The following NOTCH1 variants were observed in gnomAD, a reference collection of about 807,000 sequenced individuals.
The protein encoded by NOTCH1 is notch receptor 1.
In NOTCH1, 37 loss-of-function variants were observed where a neutral mutation model predicts 254.8. The observed-to-expected ratio is 0.15, with a 90% CI of 0.11 to 0.19. The LOEUF (loss-of-function observed/expected upper bound fraction) is 0.19, where lower values mean the gene tolerates loss of function less well. Among genes scored for constraint, NOTCH1 ranks in the 10% least tolerant of loss-of-function variants. NOTCH1 has a pLI of 1.00. For missense variants in NOTCH1, 2,972 were observed against 3,708.6 expected, an observed-to-expected ratio of 0.80 and a Z score of 5.16; for synonymous variants, 1,731 against 1,618.1, an observed-to-expected ratio of 1.07 and a Z score of -1.68.
intron 17 of NOTCH1, among the ~76,000 whole-genome samples, chr9:136,510,217 T>A (rs1448576129): frequency 1.3e-5 from 2 of 152,190 alleles, no homozygotes; most frequent in Non-Finnish European, 2.9e-5. Context: ...CTTTGCAGGC[T>A]TCACAGACCG....
rs750242131 is a variant in NOTCH1, at chr9:136,523,138, C to T, written c.454G>A (p.Gly152Ser). ...DPCASNPCAN[G>S]GQCLPFEASY... ...GCCTCGAAGGGCAGGCACTGGCCAC[C>T]GTTGGCGCAGGGGTTGGAGGCGCAC... Residue 152 changes from glycine (G) to serine (S), a missense_variant, in exon 4 of 34, where the codon GGT becomes AGT. By Grantham distance (56) the Gly-to-Ser change is moderately conservative. Around this residue, in one of 8 missense-constraint regions of NOTCH1, gnomAD observed 374 missense variants for 496.3 expected, o/e 0.75. Coordinates refer to ENST00000651671, the MANE Select transcript of NOTCH1 (RefSeq NM_017617.5). 8.6e-5 allele frequency: 138 copies of T among 1,605,648 alleles called. No individual in the cohort carries two copies. The highest frequency in any genetic ancestry group is 4.5e-4 in the African/African-American group (34 of 74,834).
intron 2 of NOTCH1, among the ~76,000 whole-genome samples, chr9:136,529,444 G>T (rs967077876): frequency 2.0e-5 from 3 of 152,222 alleles, no homozygotes; most frequent in African/African-American, 7.2e-5. Flanking sequence ...AGGAGGCACC[G>T]GCTGCTAAGA....
In NOTCH1 at chr9:136,523,073, G is replaced by T. The variant is rs1171326899; in HGVS notation, c.519C>A (p.Pro173=). ...ACTCGTTGACATCCTGCCGGCAGGT[G>T]GGGCCATGGAAGCTGGGTGGGCAGT... is the stretch of plus-strand genomic sequence containing the variant. ...ICHCPPSFHG[P]TCRQDVNECG... The change falls in exon 4 of 34, where the codon CCC becomes CCA. Residue 173 remains proline (P), a synonymous_variant. Coordinates refer to ENST00000651671, the MANE Select transcript of NOTCH1 (RefSeq NM_017617.5). 6.3e-7 allele frequency: 1 copy of T among 1,587,838 alleles called. No individual in the cohort carries two copies. Among genetic ancestry groups the T allele is most frequent in the Admixed American group, 1.8e-5 (1 of 56,378 alleles).
intron 4 of NOTCH1, 76 bp downstream of exon 4, chr9:136,522,774 C>G (rs1001374360): frequency 7.3e-7 from 1 of 1,363,832 alleles, no homozygotes; most frequent in African/African-American, 1.5e-5. Flanking sequence ...GCCCCTACAC[C>G]AGGCGCCCCG....
In NOTCH1 at chr9:136,523,094, G is replaced by A. The variant is rs937331959; in HGVS notation, c.498C>T (p.Cys166=). The part of the protein sequence containing the change: ...LPFEASYICH[C]PPSFHGPTCR... ...AGGTGGGGCCATGGAAGCTGGGTGG[G>A]CAGTGGCAGATGTAGGAGGCCTCGA... is the stretch of plus-strand genomic sequence containing the variant. The change falls in exon 4 of 34, where the codon TGC becomes TGT. Residue 166 remains cysteine, a synonymous_variant. Transcript: ENST00000651671. The A allele has an allele frequency of 1.3e-6, 2 of 1,599,008 alleles. No homozygotes were observed. The highest frequency in any genetic ancestry group is 1.1e-5 in the South Asian group (1 of 88,644).
chr9:136,497,304 G>A lies in NOTCH1; in HGVS notation c.6435C>T (p.Tyr2145=), dbSNP rs770803054. 1 of 1,607,568 alleles carries A rather than the reference G, an allele frequency of 6.2e-7. No homozygotes were observed. Among genetic ancestry groups the A allele is most frequent in the African/African-American group, 1.3e-5 (1 of 74,936 alleles). Residue 2145 remains tyrosine (Y), a synonymous_variant, in exon 34 of 34, where the codon TAC becomes TAT. Transcript: ENST00000651671. ...LSPPLCSPNG[Y]LGSLKPGVQG... is the part of the protein sequence containing the mutation. ...GCACGCCGGGCTTGAGGCTGCCCAGGTAGCCGTTGGGCGAGCAGAGCGGGG... is the reference window on the plus strand; with the variant it reads ...GCACGCCGGGCTTGAGGCTGCCCAGATAGCCGTTGGGCGAGCAGAGCGGGG...
chr9:136,528,636 C>A (rs1200910846), intron 2 of NOTCH1, among the ~76,000 whole-genome samples: 1 of 151,378 alleles, frequency 6.6e-6, no homozygotes, highest in Non-Finnish European at 1.5e-5. Context: ...CCCTGCACAC[C>A]CCGGCTCCCT....
chr9:136,529,405 C>T (rs574528052), intron 2 of NOTCH1, among the ~76,000 whole-genome samples: 1 of 152,344 alleles, frequency 6.6e-6, no homozygotes, highest in African/African-American at 2.4e-5. Flanking sequence ...CCAAGTTTCC[C>T]CAATCCCAGT....
chr9:136,544,464 G>C (rs965072769), intron 1 of NOTCH1, among the ~76,000 whole-genome samples: 1 of 152,186 alleles, frequency 6.6e-6, no homozygotes, highest in Non-Finnish European at 1.5e-5. Flanking sequence ...CCCCACCCTG[G>C]AGGCTCACTG....
At chr9:136,508,798 G>A (rs909889330) in intron 19 of NOTCH1, 72 bp downstream of exon 19, 7 of 1,432,894 alleles carry the variant, frequency 4.9e-6, no homozygotes, top group East Asian at 2.5e-5. Flanking sequence ...TGGGGTGACC[G>A]TTCCCACCTC....
rs769696527 is a variant in NOTCH1, at chr9:136,515,518, T to C, written c.1868A>G (p.Asn623Ser). ...CTTCAGGCAGAAGCAGAGGTAGGCGTTGTCGCGGTCCTGGCAGGTGCCCCC... is the reference window on the plus strand; with the variant it reads ...CTTCAGGCAGAAGCAGAGGTAGGCGCTGTCGCGGTCCTGGCAGGTGCCCCC... ...RHGGTCQDRDNAYLCFCLKGT... is the reference protein window; with the variant it reads ...RHGGTCQDRDSAYLCFCLKGT... The change falls in exon 11 of 34, where the codon AAC becomes AGC. Residue 623 changes from asparagine to serine, a missense_variant. This residue lies in a region of NOTCH1 where 1,343 missense variants were observed against 1,557.0 expected (regional missense o/e 0.86). Transcript: ENST00000651671. The C allele has an allele frequency of 1.7e-5, 27 of 1,611,838 alleles. No individual in the cohort carries two copies. The Middle Eastern group carries it at 6.6e-4, about 39-fold the overall frequency.
At chr9:136,512,294 G>A (rs1484619103) in intron 15 of NOTCH1, among the ~76,000 whole-genome samples, 4 of 152,318 alleles carry the variant, frequency 2.6e-5, no homozygotes, top group South Asian at 4.1e-4. Flanking sequence ...CATGGGAACC[G>A]CAGGCGTGGG....
rs765812485 is a variant in NOTCH1 at position 136,517,739 on chromosome 9, C to G, written c.1441+13G>C. 46 of 1,612,430 alleles carry G rather than the reference C, an allele frequency of 2.9e-5. No homozygotes were observed. The highest frequency in any genetic ancestry group is 3.8e-5 in the Non-Finnish European group (45 of 1,179,870). On this transcript the variant is annotated intron_variant, in intron 8 of 33. Coordinates refer to ENST00000651671, the MANE Select transcript of NOTCH1 (RefSeq NM_017617.5). ...CTCGACTCGGTTTCCCGCCCTGGCC[C>G]CGGCCGACGCACCGGGCATGCAGAT...
intron 2 of NOTCH1, among the ~76,000 whole-genome samples, chr9:136,539,307 C>T (rs1000924172): frequency 1.3e-5 from 2 of 152,274 alleles, no homozygotes; most frequent in African/African-American, 2.4e-5. Context: ...CCCCAGTCTC[C>T]GCCCCAGGCC....
In NOTCH1 at chr9:136,495,789, C is replaced by T. The variant is rs907734435; in HGVS notation, c.*282G>A. On this transcript the variant is annotated 3_prime_UTR_variant, in exon 34 of 34. Transcript: ENST00000651671. ...AACACAGAAGAATCTTTTCATCCTA[C>T]GTAGGAAAACCCTGGCTCTCAGAAC... 23 of 423,888 alleles carry T rather than the reference C, an allele frequency of 5.4e-5. No individual in the cohort carries two copies. Among genetic ancestry groups the T allele is most frequent in the African/African-American group, 4.5e-4 (22 of 49,046 alleles). 26.3% of individuals were successfully genotyped at this position (423,888 alleles called of 1,614,324 possible). A position where few individuals can be genotyped will look rare whatever the true frequency, so the allele number is the denominator to read the frequency against.
rs749990260 is a variant in NOTCH1 at position 136,517,351 on chromosome 9, G to A, written c.1476C>T (p.Asp492=). The change falls in exon 9 of 34, where the codon GAC becomes GAT. Residue 492 remains aspartate (D), a synonymous_variant. Transcript: ENST00000651671. ...YEGVHCEVNT[D]ECASSPCLHN... ...GCAGGCAGGGGCTGCTGGCACACTC[G>A]TCTGTGTTGACCTCGCAGTGCACAC... is the stretch of plus-strand genomic sequence containing the variant. 23 of 1,608,502 alleles carry A rather than the reference G, an allele frequency of 1.4e-5. No individual in the cohort carries two copies. The highest frequency in any genetic ancestry group is 2.2e-5 in the South Asian group (2 of 90,344).
intron 9 of NOTCH1, among the ~76,000 whole-genome samples, chr9:136,516,564 C>T (rs945738348): frequency 6.6e-6 from 1 of 152,222 alleles, no homozygotes; most frequent in Admixed American, 6.5e-5. Context: ...CCAACCTGCC[C>T]CACGTGGTTC....
chr9:136,496,382 C>A lies in NOTCH1; in HGVS notation c.7357G>T (p.Val2453Leu). 6.3e-7 allele frequency: 1 copy of A among 1,596,260 alleles called. No homozygotes were observed. Among genetic ancestry groups the A allele is most frequent in the Non-Finnish European group, 8.5e-7 (1 of 1,177,302 alleles). The change falls in exon 34 of 34, where the codon GTG (valine) becomes TTG (leucine). Residue 2453 changes from valine to leucine, a missense_variant. Val to Leu is a conservative substitution (Grantham distance 32, BLOSUM62 1). Coordinates refer to ENST00000651671, the MANE Select transcript of NOTCH1 (RefSeq NM_017617.5). ...VQPLGPSSLAVHTILPQESPA... is the reference protein window; with the variant it reads ...VQPLGPSSLALHTILPQESPA... ...CTCTCCTGGGGCAGAATAGTGTGCA[C>A]CGCCAGGCTGCTGGGGCCCAGTGGC...
Position 136,511,282 on chromosome 9 carries a change from G to A in NOTCH1, c.2468-11C>T, listed in dbSNP as rs757315627. On this transcript the variant is annotated splice_polypyrimidine_tract_variant and intron_variant, in intron 15 of 33. Coordinates refer to ENST00000651671, the MANE Select transcript of NOTCH1 (RefSeq NM_017617.5). The stretch of plus-strand genomic sequence containing the variant: ...CCTCACACGTGGCACCTGCGGGAAG[G>A]AGACACACGTGACCCCGGGAGCCTC... 10 of 1,608,180 alleles carry A rather than the reference G, an allele frequency of 6.2e-6. No homozygotes were observed. Among genetic ancestry groups the A allele is most frequent in the Middle Eastern group, 1.6e-4 (1 of 6,074 alleles).
Sources: gnomAD v4.1 joint callset for allele counts (sites outside exome capture counted in the v4.1 genomes callset) on GRCh38, gnomAD v4.1.1 for gene constraint, gnomAD v4.1.1 regional missense constraint, MANE v1.5 for transcripts, NCBI Gene and HGNC (gene_info 2026-07-23, HGNC 2026-07-21) for gene names.